KCNK5: variants seen among roughly 807,000 people sequenced by gnomAD.
KCNK5 encodes the protein potassium channel subfamily K member 5.
In KCNK5, 18 loss-of-function variants were observed where a neutral mutation model predicts 32.9. That is an observed-to-expected ratio of 0.55 (90% confidence interval 0.38 to 0.81). The LOEUF is 0.81. Among genes scored for constraint, KCNK5 ranks in the 30% least tolerant of loss-of-function variants. The pLI is 0.00. For missense variants in KCNK5, 507 were observed against 651.0 expected (o/e 0.78, Z 2.41); for synonymous variants, 276 against 275.3 (o/e 1.00, Z -0.03).
At chr6:39,228,368 G>C (rs56288320) in intron 1 of KCNK5, among the ~76,000 whole-genome samples, 1 of 152,092 alleles carries the variant, frequency 6.6e-6, no homozygotes, top group South Asian at 2.1e-4. Flanking sequence ...CCGTGGGTTC[G>C]GGCCCCACAG....
intron 1 of KCNK5, among the ~76,000 whole-genome samples, chr6:39,225,178 G>A (rs1335004647): frequency 2.6e-5 from 4 of 152,176 alleles, no homozygotes; most frequent in Non-Finnish European, 2.9e-5. Flanking sequence ...TTCTCCAGCA[G>A]CTCGGAGTGT....
chr6:39,204,574 G>T (rs1360281458), intron 1 of KCNK5, among the ~76,000 whole-genome samples: 30 of 152,182 alleles, frequency 2.0e-4, no homozygotes, highest in Admixed American at 2.0e-3. Flanking sequence ...CTCCTGCCCG[G>T]GTCCTGCCCC....
chr6:39,207,989 T>C (rs928265771), intron 1 of KCNK5, among the ~76,000 whole-genome samples: 1 of 152,074 alleles, frequency 6.6e-6, no homozygotes, highest in African/African-American at 2.4e-5. Flanking sequence ...GACACTACCC[T>C]ACCTCTTGCC....
chr6:39,219,381 G>C (rs1431065611), intron 1 of KCNK5, among the ~76,000 whole-genome samples: 4 of 152,014 alleles, frequency 2.6e-5, no homozygotes, highest in Non-Finnish European at 2.9e-5. Flanking sequence ...CTCTTGCGAG[G>C]GGGGTATAAT....
chr6:39,204,363 G>T (rs1433037834), intron 1 of KCNK5, among the ~76,000 whole-genome samples: 2 of 152,226 alleles, frequency 1.3e-5, no homozygotes, highest in South Asian at 2.1e-4. Context: ...TGCTTTGCCT[G>T]CCTGCTTCTC....
chr6:39,221,757 C>CT (rs1771556622), intron 1 of KCNK5, among the ~76,000 whole-genome samples: 1 of 152,162 alleles, frequency 6.6e-6, no homozygotes, highest in Non-Finnish European at 1.5e-5. Flanking sequence ...GCCAGGTCTT[C>CT]CACAGGCCAA....
chr6:39,204,753 G>A (rs4711585), intron 1 of KCNK5, among the ~76,000 whole-genome samples: 29,980 of 152,162 alleles, frequency 0.2, 3,396 homozygotes, highest in Admixed American at 0.25. Flanking sequence ...CCTGACATTA[G>A]CACGGGGCAG....
At chr6:39,209,882 C>T (rs1036737080) in intron 1 of KCNK5, among the ~76,000 whole-genome samples, 1 of 152,194 alleles carries the variant, frequency 6.6e-6, no homozygotes, top group Non-Finnish European at 1.5e-5. Flanking sequence ...ACCTGTAAAA[C>T]GGGAACGATG....
chr6:39,206,541 G>T (rs76514971), intron 1 of KCNK5, among the ~76,000 whole-genome samples: 1 of 152,290 alleles, frequency 6.6e-6, no homozygotes, highest in African/African-American at 2.4e-5. Flanking sequence ...CCTGAGGGAG[G>T]TGCAGTTCCC....
In KCNK5 at chr6:39,194,836, G is replaced by T. The variant is rs7738553; in HGVS notation, c.299-76C>A. ...GGGCCTTGCTTCCAACACACACACA[G>T]CCCGTTCTCTAAGATAAATTGATAT... On this transcript the variant is annotated intron_variant, in intron 2 of 4. Coordinates refer to ENST00000359534, the MANE Select transcript of KCNK5 (RefSeq NM_003740.4). This position sits in a 1 kb window ranked among gnomAD's most constrained non-coding sequence, Gnocchi z 4.7. 2.9e-3 allele frequency: 3,567 copies of T among 1,222,084 alleles called. 41 individuals are homozygous for T. Among genetic ancestry groups the T allele is most frequent in the African/African-American group, 0.024 (1,611 of 66,646 alleles). The allele number at this position is 1,222,084 out of a possible 1,614,324, so 75.7% of individuals were successfully genotyped here.
rs148534241 is a variant in KCNK5 at position 39,202,821 on chromosome 6, T to C, written c.187-6834A>G. ...GGGCCATCTTCCAAATGCAGACCTG[T>C]GCTCATGGAAAAGGTGGAACCAACC... On this transcript the variant is annotated intron_variant, in intron 1 of 4. Transcript: ENST00000359534. 2.2e-4 allele frequency among the ~76,000 whole-genome samples: 33 copies of C among 152,114 alleles called. 1 individual carries two copies. Among genetic ancestry groups the C allele is most frequent in the Admixed American group, 2.0e-3 (31 of 15,278 alleles).
chr6:39,221,543 C>T (rs535557175), intron 1 of KCNK5, among the ~76,000 whole-genome samples: 1 of 152,354 alleles, frequency 6.6e-6, no homozygotes, highest in African/African-American at 2.4e-5. Context: ...AGGCACTCCA[C>T]AGAATGCTCA....
At chr6:39,192,814 A>T (rs1356770513) in intron 4 of KCNK5, among the ~76,000 whole-genome samples, 2 of 152,080 alleles carry the variant, frequency 1.3e-5, no homozygotes, top group Non-Finnish European at 2.9e-5. Context: ...AGGCATGTTG[A>T]CCTGTATTCC....
intron 4 of KCNK5, among the ~76,000 whole-genome samples, chr6:39,192,176 A>C (rs566951119): frequency 3.3e-5 from 5 of 149,678 alleles, no homozygotes; most frequent in African/African-American, 1.2e-4. Flanking sequence ...CCAGCTACTC[A>C]GGAGGCTGAA....
intron 4 of KCNK5, among the ~76,000 whole-genome samples, chr6:39,193,359 A>C (rs1342895753): frequency 6.6e-6 from 1 of 152,214 alleles, no homozygotes; most frequent in African/African-American, 2.4e-5. Context: ...AACTGCTCCC[A>C]GATGCCACAT....
chr6:39,221,915 A>G (rs1782916032), intron 1 of KCNK5, among the ~76,000 whole-genome samples: 1 of 152,118 alleles, frequency 6.6e-6, no homozygotes, highest in Non-Finnish European at 1.5e-5. Flanking sequence ...CGGCCCAATT[A>G]TCTTTCCTCA....
intron 1 of KCNK5, among the ~76,000 whole-genome samples, chr6:39,202,782 T>C (rs965167225): frequency 3.3e-5 from 5 of 152,070 alleles, no homozygotes; most frequent in Admixed American, 6.5e-5. Flanking sequence ...TTTAGCTCTA[T>C]CTAGGAAGCC....
Position 39,189,117 on chromosome 6 carries a change from C to G in KCNK5, c.*1773G>C, listed in dbSNP as rs762512194. The G allele has an allele frequency of 2.0e-5, 3 of 152,314 alleles. No individual in the cohort carries two copies. Among genetic ancestry groups the G allele is most frequent in the Non-Finnish European group, 4.4e-5 (3 of 68,078 alleles). The allele number at this position is 152,314 out of a possible 1,614,324, so 9.4% of individuals were successfully genotyped here. The stretch of plus-strand genomic sequence containing the variant: ...AAACATTTCACAGAAAAATACGAGG[C>G]TGCTCCTTTTCAGGCCCCTGCTGGG... On this transcript the variant is annotated 3_prime_UTR_variant, in exon 5 of 5. Transcript: ENST00000359534.
chr6:39,211,665 T>A (rs981050275), intron 1 of KCNK5, among the ~76,000 whole-genome samples: 1 of 152,228 alleles, frequency 6.6e-6, no homozygotes, highest in Non-Finnish European at 1.5e-5. Flanking sequence ...TAGTTTTAAT[T>A]TTAAATTAAG....
Sources: gnomAD v4.1 joint callset for allele counts (sites outside exome capture counted in the v4.1 genomes callset) on GRCh38, gnomAD v4.1.1 for gene constraint, Gnocchi (gnomAD v3.1) non-coding constraint, MANE v1.5 for transcripts, NCBI Gene and HGNC (gene_info 2026-07-23, HGNC 2026-07-21) for gene names.